TCP11: variants seen among roughly 807,000 people sequenced by gnomAD.
TCP11 encodes t-complex 11, also known as T-complex protein 11 homolog.
A neutral mutation model predicts 45.0 loss-of-function variants in TCP11; 34 were observed. The ratio of observed to expected loss-of-function variants is 0.76; its 90% CI spans 0.57 to 1.01. TCP11 has a LOEUF of 1.01. TCP11 is among the 50% of genes least tolerant of loss of function. TCP11 has a pLI of 0.00. For synonymous variants in TCP11, 227 were observed against 227.0 expected, an observed-to-expected ratio of 1.00 and a Z score of 0.00; for missense variants, 523 against 598.1, an observed-to-expected ratio of 0.87 and a Z score of 1.31.
Position 35,129,118 on chromosome 6 carries a change from A to G in TCP11, c.301T>C (p.Ser101Pro). The change falls in exon 4 of 10, where the codon TCA becomes CCA. Residue 101 changes from serine to proline, a missense_variant. Around this residue, in one of 2 missense-constraint regions of TCP11, gnomAD observed 225 missense variants for 210.2 expected, o/e 1.07. Coordinates refer to ENST00000311875, the MANE Select transcript of TCP11 (RefSeq NM_001370687.1). The stretch of plus-strand genomic sequence containing the variant: ...CAGCTGAAGTCAGGGGGAGTTGCTG[A>G]TAGTTGCTCTTTAAGATGGTCCCAA... ...AFWDHLKEQL[S>P]ATPPDFSCAL... 1.2e-6 allele frequency: 2 copies of G among 1,614,128 alleles called. No individual in the cohort carries two copies. Among genetic ancestry groups the G allele is most frequent in the Non-Finnish European group, 1.7e-6 (2 of 1,180,002 alleles).
intron 2 of TCP11, among the ~76,000 whole-genome samples, chr6:35,139,173 G>A (rs1781442914): frequency 6.6e-6 from 1 of 150,728 alleles, no homozygotes; most frequent in East Asian, 1.9e-4. Context: ...GGGTGACAGA[G>A]ACTCCGTCTC....
At chr6:35,121,703 CT>C (rs1779268248) in intron 5 of TCP11, among the ~76,000 whole-genome samples, 1 of 151,722 alleles carries the variant, frequency 6.6e-6, no homozygotes. Context: ...GTCCCAGCTA[CT>C]CGGGAGGCTG....
In TCP11 at chr6:35,118,451, G is replaced by T. The variant is rs1005525749; in HGVS notation, c.1330C>A (p.Arg444=). 1 of 1,614,118 alleles carries T rather than the reference G, an allele frequency of 6.2e-7. No homozygotes were observed. The highest frequency in any genetic ancestry group is 8.5e-7 in the Non-Finnish European group (1 of 1,180,012). Residue 444 remains arginine (R), a synonymous_variant, in exon 10 of 10, where the codon CGG becomes AGG. Coordinates refer to ENST00000311875, the MANE Select transcript of TCP11 (RefSeq NM_001370687.1). ...LKCCLVLGVQ[R]SLLDLPGGLT... is the part of the protein sequence containing the mutation. ...CCTCCAGGAAGGTCTAATAGAGACC[G>T]CTGCACACCAAGAACCAAACAGCAT...
chr6:35,131,766 T>A (rs1562003721), intron 3 of TCP11, among the ~76,000 whole-genome samples: 1 of 152,300 alleles, frequency 6.6e-6, no homozygotes, highest in East Asian at 1.9e-4. Context: ...AGCTGCCTCA[T>A]TTTTAAAAAA....
intron 3 of TCP11, among the ~76,000 whole-genome samples, chr6:35,134,176 T>C (rs1050384195): frequency 1.3e-5 from 2 of 152,068 alleles, no homozygotes; most frequent in African/African-American, 4.8e-5. Flanking sequence ...CCAAGAGGGA[T>C]TGGTTCCAGG....
At chr6:35,121,425 T>C (rs1327637643) in intron 5 of TCP11, among the ~76,000 whole-genome samples, 1 of 150,642 alleles carries the variant, frequency 6.6e-6, no homozygotes, top group Non-Finnish European at 1.5e-5. Context: ...TTTTTTAAAC[T>C]TTCTGGGTCT....
In TCP11 at chr6:35,120,025, C is replaced by T; in HGVS notation, c.1115+134G>A. Reference sequence around the variant, plus strand: ...CCTCATGACCACTTATGGAAAGAAACCAACAATCTTTGTAGATGGTTCCAC... The same window carrying T: ...CCTCATGACCACTTATGGAAAGAAATCAACAATCTTTGTAGATGGTTCCAC... On this transcript the variant is annotated intron_variant, in intron 8 of 9. Transcript: ENST00000311875. The surrounding 1 kb of genome is among the most constrained non-coding windows in gnomAD (Gnocchi z 4.9). 8.4e-7 allele frequency: 1 copy of T among 1,187,764 alleles called. No individual in the cohort carries two copies. The highest frequency in any genetic ancestry group is 1.1e-6 in the Non-Finnish European group (1 of 871,580). The allele number at this position is 1,187,764 out of a possible 1,614,324, so 73.6% of individuals were successfully genotyped here.
rs778270568 is a variant in TCP11, at chr6:35,140,732, C to A, written c.124+15G>T. The A allele has an allele frequency of 1.1e-5, 17 of 1,524,020 alleles. No homozygotes were observed. Among genetic ancestry groups the A allele is most frequent in the Non-Finnish European group, 1.4e-5 (16 of 1,140,280 alleles). The allele number at this position is 1,524,020 out of a possible 1,614,324, so 94.4% of individuals were successfully genotyped here. A position where few individuals can be genotyped will look rare whatever the true frequency, so the allele number is the denominator to read the frequency against. ...ACCCCCTAGGGGGCCACAGGGACTG[C>A]CGAGCTGGACCTACAGGGAGGGGGG... On this transcript the variant is annotated intron_variant, in intron 2 of 9. Coordinates refer to ENST00000311875, the MANE Select transcript of TCP11 (RefSeq NM_001370687.1).
intron 3 of TCP11, among the ~76,000 whole-genome samples, chr6:35,131,508 C>T (rs571338126): frequency 4.6e-5 from 7 of 152,136 alleles, no homozygotes; most frequent in Non-Finnish European, 1.0e-4. Flanking sequence ...GCGGAGGTTG[C>T]AGTGAGCCGA....
chr6:35,126,306 T>A (rs1022172627), intron 4 of TCP11, among the ~76,000 whole-genome samples: 3 of 152,248 alleles, frequency 2.0e-5, no homozygotes, highest in Non-Finnish European at 4.4e-5. Flanking sequence ...CTTACTGGGA[T>A]AGACACATAT....
At chr6:35,138,364 A>G (rs1258594814) in intron 2 of TCP11, among the ~76,000 whole-genome samples, 1 of 152,242 alleles carries the variant, frequency 6.6e-6, no homozygotes, top group African/African-American at 2.4e-5. Flanking sequence ...AATGGTAGAT[A>G]TACACAATGG....
chr6:35,130,897 C>A (rs549316003), intron 3 of TCP11, among the ~76,000 whole-genome samples: 2 of 152,154 alleles, frequency 1.3e-5, no homozygotes, highest in Non-Finnish European at 2.9e-5. Flanking sequence ...TATGTTCACA[C>A]GAAAACCTGC....
chr6:35,128,605 C>T (rs1780078610), intron 4 of TCP11: 1 of 104,818 alleles, frequency 9.5e-6, no homozygotes, highest in Admixed American at 8.9e-5. Flanking sequence ...AAGGCAAGAG[C>T]TTTTATTCCC....
chr6:35,120,951 A>T lies in TCP11; in HGVS notation c.673T>A (p.Tyr225Asn). 1 of 1,614,028 alleles carries T rather than the reference A, an allele frequency of 6.2e-7. No homozygotes were observed. ...QPHLQEHSIQ[Y>N]ERAKFQELLN... ...AGTTCCTGGAATTTAGCCCGTTCAT[A>T]CTGAATGGAATGTTCCTGCAGGTGG... Residue 225 changes from tyrosine (Y) to asparagine (N), a missense_variant, in exon 6 of 10, where the codon TAT (tyrosine) becomes AAT (asparagine). Physicochemically the swap from Tyr to Asn is moderately radical, Grantham distance 143. Around this residue, in one of 2 missense-constraint regions of TCP11, gnomAD observed 298 missense variants for 387.9 expected, o/e 0.77. Transcript: ENST00000311875. The surrounding 1 kb of genome is among the most constrained non-coding windows in gnomAD (Gnocchi z 4.9).
rs76424956 is a variant in TCP11 at position 35,129,497 on chromosome 6, T to C, written c.237-315A>G. On this transcript the variant is annotated intron_variant, in intron 3 of 9. Coordinates refer to ENST00000311875, the MANE Select transcript of TCP11 (RefSeq NM_001370687.1). ...TGACTGTGCATCTAGCCTAGATAAC[T>C]TGATTTCCATTTGTGTATACACATA... Among the ~76,000 whole-genome samples the C allele has an allele frequency of 1.2e-3, 176 of 152,374 alleles. 1 individual carries two copies. Among genetic ancestry groups the C allele is most frequent in the East Asian group, 9.1e-3 (47 of 5,192 alleles).
In TCP11 at chr6:35,120,466, AG is replaced by A; in HGVS notation, c.895del (p.Leu299SerfsTer16). On this transcript the variant is annotated frameshift_variant, in exon 7 of 10. Transcript: ENST00000311875. LOFTEE classifies it high-confidence loss of function. The surrounding 1 kb of genome is among the most constrained non-coding windows in gnomAD (Gnocchi z 4.9). ...TMVLCQGFLN[L>X]LLWDLENEEF... ...TTCATTTTCAAGGTCCCAGAGAAGG[AG>A]GTTCAAGAAGCCCTGACACAGCACC... 6.2e-7 allele frequency: 1 copy of A among 1,602,316 alleles called. No homozygotes were observed. Among genetic ancestry groups the A allele is most frequent in the Non-Finnish European group, 8.5e-7 (1 of 1,174,222 alleles).
intron 3 of TCP11, among the ~76,000 whole-genome samples, chr6:35,130,692 C>T (rs1780326708): frequency 6.6e-6 from 1 of 151,884 alleles, no homozygotes; most frequent in South Asian, 2.1e-4. Context: ...TTAGAATGGC[C>T]AAAATCAGAA....
At position 35,136,116 on chromosome 6, in the gene TCP11, G is replaced by C. The variant is rs200759685; in HGVS notation, c.227C>G (p.Pro76Arg). 150 of 1,613,326 alleles carry C rather than the reference G, an allele frequency of 9.3e-5. 1 individual carries two copies. The African/African-American group carries it at 1.8e-3, about 20-fold the overall frequency. Residue 76 changes from proline to arginine, a missense_variant, in exon 3 of 10, where the codon CCT becomes CGT. Coordinates refer to ENST00000311875, the MANE Select transcript of TCP11 (RefSeq NM_001370687.1). The stretch of plus-strand genomic sequence containing the variant: ...GAAGAAGAGTCTATACCTGCTTGGA[G>C]GTAAAACCTTCTCTTCCATGTAGTA... Reference protein sequence around the residue: ...CDYYMEEKVLPPSSLEGKVKE... With the variant: ...CDYYMEEKVLRPSSLEGKVKE...
intron 3 of TCP11, among the ~76,000 whole-genome samples, chr6:35,131,036 G>A (rs952011465): frequency 6.6e-6 from 1 of 152,328 alleles, no homozygotes; most frequent in Non-Finnish European, 1.5e-5. Context: ...GATTTGGGAG[G>A]CTGAGGCAGG....
Sources: gnomAD v4.1 joint callset for allele counts (sites outside exome capture counted in the v4.1 genomes callset) on GRCh38, gnomAD v4.1.1 for gene constraint, gnomAD v4.1.1 regional missense constraint, Gnocchi (gnomAD v3.1) non-coding constraint, MANE v1.5 for transcripts, NCBI Gene and HGNC (gene_info 2026-07-23, HGNC 2026-07-21) for gene names.